NME7: variants seen among roughly 807,000 people sequenced by gnomAD.
The protein encoded by NME7 is nucleoside diphosphate kinase 7.
A neutral mutation model predicts 49.1 loss-of-function variants in NME7; 41 were observed. That is an observed-to-expected ratio of 0.83 (90% CI 0.65 to 1.08). The LOEUF is 1.08. Among genes scored for constraint, NME7 ranks in the 50% least tolerant of loss-of-function variants. The pLI is 0.00. For missense variants in NME7, 423 were observed against 463.4 expected, an observed-to-expected ratio of 0.91 and a Z score of 0.80; for synonymous variants, 139 against 150.6, an observed-to-expected ratio of 0.92 and a Z score of 0.56.
chr1:169,346,829 A>G (rs1652967408), intron 1 of NME7, among the ~76,000 whole-genome samples: 1 of 152,212 alleles, frequency 6.6e-6, no homozygotes, highest in Non-Finnish European at 1.5e-5. Context: ...TCTGCTAGCT[A>G]TCATCAATTG....
intron 7 of NME7, among the ~76,000 whole-genome samples, chr1:169,238,512 CACACCAT>C (rs999383780): frequency 1.4e-5 from 2 of 143,678 alleles, no homozygotes; most frequent in African/African-American, 5.9e-5. Context: ...CACACACACA[CACACCAT>C]ATTCTGGATC....
intron 11 of NME7, among the ~76,000 whole-genome samples, chr1:169,142,676 A>G (rs1296500234): frequency 6.6e-6 from 1 of 152,202 alleles, no homozygotes; most frequent in Admixed American, 6.5e-5. Context: ...TCTTTGGGCA[A>G]CACATTCCTC....
chr1:169,225,055 A>G (rs781556400), intron 10 of NME7, among the ~76,000 whole-genome samples: 20 of 152,206 alleles, frequency 1.3e-4, no homozygotes, highest in Admixed American at 5.9e-4. Context: ...AAACAGAAGA[A>G]AGAAGAAAGA....
intron 7 of NME7, among the ~76,000 whole-genome samples, chr1:169,251,207 T>C (rs924641516): frequency 3.3e-5 from 5 of 152,138 alleles, no homozygotes; most frequent in Non-Finnish European, 7.4e-5. Flanking sequence ...GTTGGATTGA[T>C]CCTTTTATCA....
At chr1:169,362,373 C>T (rs1023288019) in intron 1 of NME7, among the ~76,000 whole-genome samples, 2 of 152,032 alleles carry the variant, frequency 1.3e-5, no homozygotes, top group Non-Finnish European at 1.5e-5. Flanking sequence ...TTAGAAGATA[C>T]ATAATATTAA....
chr1:169,291,719 T>C (rs1165256149), intron 6 of NME7, among the ~76,000 whole-genome samples: 2 of 151,970 alleles, frequency 1.3e-5, no homozygotes, highest in East Asian at 1.9e-4. Flanking sequence ...ACAACCCTGA[T>C]CAATCAGCAG....
chr1:169,294,620 T>C (rs919335533), intron 6 of NME7, among the ~76,000 whole-genome samples: 2 of 152,128 alleles, frequency 1.3e-5, no homozygotes, highest in Non-Finnish European at 2.9e-5. Flanking sequence ...CCAGCTACAA[T>C]ATTTTTCCTT....
chr1:169,167,375 T>C (rs1425506562), intron 11 of NME7, among the ~76,000 whole-genome samples: 1 of 152,166 alleles, frequency 6.6e-6, no homozygotes. Flanking sequence ...CTAATAGATT[T>C]GATCACATAA....
intron 6 of NME7, 34 bp from the exon 7 acceptor site, chr1:169,287,442 G>A: frequency 7.0e-7 from 1 of 1,421,216 alleles, no homozygotes; most frequent in Non-Finnish European, 9.6e-7. Flanking sequence ...TGACAAATGT[G>A]ATCTCTTATC....
intron 11 of NME7, among the ~76,000 whole-genome samples, chr1:169,156,521 A>C (rs1419324): frequency 0.39 from 59,994 of 151,996 alleles, 12,197 homozygotes; most frequent in East Asian, 0.74. Flanking sequence ...ACCAATTTAT[A>C]CAAAATAAAT....
chr1:169,240,146 T>TATGAC (rs67264394), intron 7 of NME7, among the ~76,000 whole-genome samples: 1 of 21,092 alleles, frequency 4.7e-5, no homozygotes, highest in Non-Finnish European at 9.3e-5. Context: ...CCATATTTAT[T>TATGAC]ATGAGTTAAA....
chr1:169,321,676 C>T (rs1160198743), intron 3 of NME7, among the ~76,000 whole-genome samples: 3 of 152,032 alleles, frequency 2.0e-5, no homozygotes, highest in African/African-American at 7.2e-5. Flanking sequence ...TACTAACACC[C>T]ACACTAAGAA....
chr1:169,168,626 G>A (rs1202445942), intron 11 of NME7, among the ~76,000 whole-genome samples: 1 of 152,098 alleles, frequency 6.6e-6, no homozygotes, highest in East Asian at 1.9e-4. Context: ...GAAAACAGTT[G>A]ACCCTTAAAC....
chr1:169,253,497 G>A (rs1295859332), intron 7 of NME7, among the ~76,000 whole-genome samples: 2 of 152,054 alleles, frequency 1.3e-5, no homozygotes, highest in Non-Finnish European at 2.9e-5. Context: ...ATACAATCAT[G>A]TCGCCTGCAA....
intron 1 of NME7, among the ~76,000 whole-genome samples, chr1:169,342,194 G>A (rs1225004685): frequency 1.3e-5 from 2 of 151,994 alleles, no homozygotes; most frequent in South Asian, 2.1e-4. Context: ...GGATCATGGG[G>A]GCAGTTTCCC....
intron 6 of NME7, among the ~76,000 whole-genome samples, chr1:169,295,259 C>T (rs1248856749): frequency 6.6e-6 from 1 of 152,150 alleles, no homozygotes; most frequent in African/African-American, 2.4e-5. Context: ...CAGTAGCTAA[C>T]TTAACAAAAG....
chr1:169,156,191 T>C (rs1659065107), intron 11 of NME7, among the ~76,000 whole-genome samples: 1 of 149,324 alleles, frequency 6.7e-6, no homozygotes, highest in African/African-American at 2.5e-5. Context: ...TGCATGCCTG[T>C]GGTCCTAGCT....
intron 9 of NME7, among the ~76,000 whole-genome samples, chr1:169,234,619 A>C (rs1270011100): frequency 6.6e-6 from 1 of 152,130 alleles, no homozygotes; most frequent in Non-Finnish European, 1.5e-5. Context: ...CATTATTCCC[A>C]TTTTATAAAT....
At chr1:169,163,972 T>G (rs1659325536) in intron 11 of NME7, among the ~76,000 whole-genome samples, 1 of 151,928 alleles carries the variant, frequency 6.6e-6, no homozygotes, top group South Asian at 2.1e-4. Context: ...TAGCTGGGCG[T>G]GGTGGCATGC....
Sources: allele counts gnomAD v4.1 joint callset (sites outside exome capture counted in the v4.1 genomes callset), GRCh38; gene constraint gnomAD v4.1.1; transcripts MANE v1.5; gene names NCBI Gene and HGNC (gene_info 2026-07-23, HGNC 2026-07-21).